The following AP2A2 variants were observed in gnomAD, a reference collection of about 807,000 sequenced individuals.
AP2A2 encodes the protein adaptor related protein complex 2 subunit alpha 2, also known as AP-2 complex subunit alpha-2.
Under a neutral mutation model 104.2 loss-of-function variants are expected in AP2A2, and 32 were observed. The ratio of observed to expected loss-of-function variants is 0.31; its 90% confidence interval spans 0.23 to 0.41. The LOEUF (loss-of-function observed/expected upper bound fraction) is 0.41. AP2A2 is among the 10% of genes least tolerant of loss of function. The pLI is 1.00. For synonymous variants in AP2A2, 539 were observed against 533.3 expected, an observed-to-expected ratio of 1.01 and a Z score of -0.15; for missense variants, 912 against 1,261.0, an observed-to-expected ratio of 0.72 and a Z score of 4.19.
rs778209955 is a variant in AP2A2 at position 959,397 on chromosome 11, A to G, written c.68-40A>G. 1.1e-5 allele frequency: 15 copies of G among 1,331,360 alleles called. No individual in the cohort carries two copies. In the African/African-American group the frequency reaches 1.6e-4, roughly 14 times the overall value. The allele number at this position is 1,331,360 out of a possible 1,614,324, so 82.5% of individuals were successfully genotyped here. A position where few individuals can be genotyped will look rare whatever the true frequency, so the allele number is the denominator to read the frequency against. ...TCAGGGAAATGGTGTTTCTTTAGAA[A>G]TCAATTAAAATAAAAATGGCTTTTT... is the stretch of plus-strand genomic sequence containing the variant. On this transcript the variant is annotated intron_variant, in intron 1 of 21. Transcript: ENST00000448903.
intron 1 of AP2A2, among the ~76,000 whole-genome samples, chr11:938,032 T>C (rs1853520246): frequency 6.6e-6 from 1 of 152,184 alleles, no homozygotes; most frequent in Non-Finnish European, 1.5e-5. Flanking sequence ...GGGAGCAGTC[T>C]CATTTAAAAA....
chr11:927,686 G>A (rs1853163767), intron 1 of AP2A2, among the ~76,000 whole-genome samples: 1 of 151,874 alleles, frequency 6.6e-6, no homozygotes, highest in South Asian at 2.1e-4. Flanking sequence ...GCGTATTGGT[G>A]TACACATCTA....
chr11:944,163 G>A (rs1316533995), intron 1 of AP2A2, among the ~76,000 whole-genome samples: 1 of 152,206 alleles, frequency 6.6e-6, no homozygotes, highest in Non-Finnish European at 1.5e-5. Flanking sequence ...TGTGATGGGG[G>A]CCCCGAAGGA....
At chr11:934,489 T>A (rs1688749555) in intron 1 of AP2A2, among the ~76,000 whole-genome samples, 1 of 152,106 alleles carries the variant, frequency 6.6e-6, no homozygotes, top group African/African-American at 2.4e-5. Flanking sequence ...TGCCTGAAAT[T>A]CAGACTCCGA....
At chr11:985,219 G>A (rs999011208) in intron 7 of AP2A2, among the ~76,000 whole-genome samples, 10 of 152,236 alleles carry the variant, frequency 6.6e-5, no homozygotes, top group Non-Finnish European at 1.3e-4. Context: ...CTGACCTCAG[G>A]TGACTGGCCT....
Position 993,260 on chromosome 11 carries a change from CG to C in AP2A2, c.1453-22del. ...TAACTCTGGCACCTGGCTGCCACCC[CG>C]GCTCATTGTTTGTGCTTCGCAGGCT... On this transcript the variant is annotated intron_variant, in intron 11 of 21. Coordinates refer to ENST00000448903, the MANE Select transcript of AP2A2 (RefSeq NM_012305.4). This position sits in a 1 kb window ranked among gnomAD's most constrained non-coding sequence, Gnocchi z 8.2. 2 of 1,586,882 alleles carry C rather than the reference CG, an allele frequency of 1.3e-6. No homozygotes were observed. Among genetic ancestry groups the C allele is most frequent in the Non-Finnish European group, 8.6e-7 (1 of 1,168,064 alleles).
intron 1 of AP2A2, among the ~76,000 whole-genome samples, chr11:958,635 G>A (rs1472319973): frequency 1.3e-5 from 2 of 152,180 alleles, no homozygotes; most frequent in Non-Finnish European, 2.9e-5. Context: ...CTTTGGGGCT[G>A]TTGGTGGGAG....
chr11:966,233 C>G (rs1375142716), intron 2 of AP2A2, among the ~76,000 whole-genome samples: 2 of 152,212 alleles, frequency 1.3e-5, no homozygotes, highest in East Asian at 1.9e-4. Context: ...TGGCTCGTGC[C>G]TATAATCCTA....
chr11:1,003,641 T>C, intron 15 of AP2A2, 81 bp from the exon 16 acceptor site: 1 of 872,170 alleles, frequency 1.1e-6, no homozygotes, highest in South Asian at 1.9e-5. Flanking sequence ...CTCCTCGTGC[T>C]GTGAGTTTTT....
At chr11:983,102 C>T (rs1171554120) in intron 6 of AP2A2, among the ~76,000 whole-genome samples, 1 of 142,128 alleles carries the variant, frequency 7.0e-6, no homozygotes, top group African/African-American at 2.6e-5. Flanking sequence ...TTTACCACAA[C>T]CTCTGCTTGT....
At chr11:944,323 T>G (rs1196377284) in intron 1 of AP2A2, among the ~76,000 whole-genome samples, 1 of 152,218 alleles carries the variant, frequency 6.6e-6, no homozygotes, top group Non-Finnish European at 1.5e-5. Context: ...GCTGGGTACC[T>G]GCTGTCTGCA....
chr11:964,985 G>A (rs12807720), intron 2 of AP2A2, among the ~76,000 whole-genome samples: 105 of 1,088 alleles, frequency 0.097, 2 homozygotes, highest in African/African-American at 0.26. Context: ...AAGCGTGGAG[G>A]TGGAAAGCAT....
rs531779549 is a variant in AP2A2 at position 990,172 on chromosome 11, C to T, written c.1269+1483C>T. Among the ~76,000 whole-genome samples the T allele has an allele frequency of 8.5e-5, 13 of 152,286 alleles. No homozygotes were observed. The South Asian group carries it at 1.0e-3, about 12-fold the overall frequency. On this transcript the variant is annotated intron_variant, in intron 10 of 21. Coordinates refer to ENST00000448903, the MANE Select transcript of AP2A2 (RefSeq NM_012305.4). ...CCTGCAGAGAGCAGGGGCCAGGAGG[C>T]GGCTCTCACGCTGGACTGTCCACCC...
intron 1 of AP2A2, among the ~76,000 whole-genome samples, chr11:935,915 T>A (rs566468424): frequency 6.7e-6 from 1 of 148,192 alleles, no homozygotes; most frequent in Admixed American, 6.7e-5. Context: ...TTTTTTTTTT[T>A]CCCCCAGGCG....
chr11:933,462 A>G (rs570926164), intron 1 of AP2A2: 1 of 449,936 alleles, frequency 2.2e-6, no homozygotes, highest in Admixed American at 2.4e-5. Context: ...GTCACGAGAG[A>G]ATTTCCGGGT....
chr11:969,654 A>G (rs1482395519), intron 2 of AP2A2, among the ~76,000 whole-genome samples: 1 of 152,234 alleles, frequency 6.6e-6, no homozygotes, highest in Non-Finnish European at 1.5e-5. Flanking sequence ...GAGGCAGAGA[A>G]ACAGAAGCCC....
intron 14 of AP2A2, 110 bp from the exon 15 acceptor site, chr11:1,000,319 GAGT>G: frequency 9.7e-7 from 1 of 1,027,414 alleles, no homozygotes; most frequent in South Asian, 1.5e-5. Context: ...CAGCCACTGG[GAGT>G]GCATGGATGC....
chr11:933,736 G>A, intron 1 of AP2A2: 1 of 441,686 alleles, frequency 2.3e-6, no homozygotes, highest in Non-Finnish European at 4.6e-6. Flanking sequence ...GCACTCAGGA[G>A]CGGGGATGAC....
At chr11:977,459 G>A (rs1305992752) in intron 5 of AP2A2, among the ~76,000 whole-genome samples, 1 of 150,772 alleles carries the variant, frequency 6.6e-6, no homozygotes, top group Non-Finnish European at 1.5e-5. Context: ...CAGAGGCTCT[G>A]CAGACACCCC....
Sources: allele counts gnomAD v4.1 joint callset (sites outside exome capture counted in the v4.1 genomes callset), GRCh38; gene constraint gnomAD v4.1.1; non-coding constraint Gnocchi (gnomAD v3.1); transcripts MANE v1.5; gene names NCBI Gene and HGNC (gene_info 2026-07-23, HGNC 2026-07-21).